Variants in LNX1 observed in about 807,000 individuals in gnomAD.
LNX1 encodes E3 ubiquitin-protein ligase LNX.
Under a neutral mutation model 68.4 loss-of-function variants are expected in LNX1, and 54 were observed. That is an observed-to-expected ratio of 0.79 (90% CI 0.63 to 0.99). The LOEUF (loss-of-function observed/expected upper bound fraction) is 0.99, where lower values mean the gene tolerates loss of function less well. Ranked by LOEUF, LNX1 falls within the 50% of genes least tolerant of loss-of-function variation. LNX1 has a pLI of 0.00. For synonymous variants in LNX1, 336 were observed against 350.0 expected, an observed-to-expected ratio of 0.96 and a Z score of 0.45; for missense variants, 906 against 926.4, an observed-to-expected ratio of 0.98 and a Z score of 0.29.
intron 9 of LNX1, among the ~76,000 whole-genome samples, chr4:53,472,685 C>CAAAAAA (rs1309297098): frequency 1.1e-4 from 8 of 74,768 alleles, no homozygotes; most frequent in South Asian, 6.0e-4. Flanking sequence ...ACAACAACAA[C>CAAAAAA]AAAAAAAAAA....
chr4:53,642,081 G>T (rs1734706767), intron 1 of LNX1, among the ~76,000 whole-genome samples: 1 of 151,962 alleles, frequency 6.6e-6, no homozygotes, highest in African/African-American at 2.4e-5. Flanking sequence ...CATCAGCCAG[G>T]TTTGGTGGTA....
chr4:53,517,450 A>G lies in LNX1; in HGVS notation c.381-9223T>C, dbSNP rs554948935. On this transcript the variant is annotated intron_variant, in intron 2 of 10. Transcript: ENST00000263925. ...CCTCAAATAGGTCCTATCCCTGCTAATTGAGTCCTGATCATGCTACTTGGA... is the reference window on the plus strand; with the variant it reads ...CCTCAAATAGGTCCTATCCCTGCTAGTTGAGTCCTGATCATGCTACTTGGA... Among the ~76,000 whole-genome samples, 5 of 152,280 alleles carry G rather than the reference A, an allele frequency of 3.3e-5. No homozygotes were observed. The South Asian group carries it at 8.3e-4, about 25-fold the overall frequency.
intron 9 of LNX1, among the ~76,000 whole-genome samples, chr4:53,464,983 CT>C (rs1225962527): frequency 1.3e-5 from 2 of 152,086 alleles, no homozygotes; most frequent in East Asian, 3.8e-4. Flanking sequence ...TTGATGATAA[CT>C]TTTGCAGCTG....
chr4:53,496,080 G>GA lies in LNX1; in HGVS notation c.1292_1293insT (p.Ile432HisfsTer5), dbSNP rs1365655417. ...CATATCGAAGATCATGTCCATTGAT[G>GA]GCTAACACACGGTCATTCTCCTCAA... On this transcript the variant is annotated frameshift_variant, in exon 6 of 11. Coordinates refer to ENST00000263925, the MANE Select transcript of LNX1 (RefSeq NM_001126328.3). LOFTEE classifies it high-confidence loss of function. 1 of 1,614,152 alleles carries GA rather than the reference G, an allele frequency of 6.2e-7. No individual in the cohort carries two copies. Among genetic ancestry groups the GA allele is most frequent in the South Asian group, 1.1e-5 (1 of 91,082 alleles).
chr4:53,625,847 G>GTGTGTT (rs1734055349), intron 1 of LNX1, among the ~76,000 whole-genome samples: 2 of 128,602 alleles, frequency 1.6e-5, no homozygotes, highest in Admixed American at 1.5e-4. Flanking sequence ...TCCACCCCGT[G>GTGTGTT]TGTGTGTGTG....
chr4:53,469,753 AAT>A (rs1723010987), intron 9 of LNX1, among the ~76,000 whole-genome samples: 1 of 152,226 alleles, frequency 6.6e-6, no homozygotes, highest in Non-Finnish European at 1.5e-5. Flanking sequence ...GAAATGGATA[AAT>A]TCCTCGACAC....
At chr4:53,521,090 G>A (rs1317192884) in intron 2 of LNX1, among the ~76,000 whole-genome samples, 2 of 152,184 alleles carry the variant, frequency 1.3e-5, no homozygotes, top group African/African-American at 4.8e-5. Flanking sequence ...GGACTGACTA[G>A]GAAGTGTTTT....
Position 53,459,724 on chromosome 4 carries a change from T to C in LNX1, c.*1183A>G, listed in dbSNP as rs750304656. ...TAACAGGGAATCTAAAGAGCTGTGT[T>C]AGCTGTGTACATACACAGATTATCT... On this transcript the variant is annotated 3_prime_UTR_variant, in exon 11 of 11. Coordinates refer to ENST00000263925, the MANE Select transcript of LNX1 (RefSeq NM_001126328.3). 8.5e-6 allele frequency: 4 copies of C among 471,468 alleles called. No individual in the cohort carries two copies. The highest frequency in any genetic ancestry group is 6.0e-4 in the Middle Eastern group (1 of 1,658). The allele number at this position is 471,468 out of a possible 1,614,324, so 29.2% of individuals were successfully genotyped here.
chr4:53,607,393 A>ATAGCT (rs1733276565), intron 2 of LNX1, among the ~76,000 whole-genome samples: 1 of 152,332 alleles, frequency 6.6e-6, no homozygotes, highest in East Asian at 1.9e-4. Flanking sequence ...ACCTAGGAAT[A>ATAGCT]TAGCTAACCA....
chr4:53,571,045 C>CT lies in LNX1; in HGVS notation c.380+2577dup, dbSNP rs879318152. ...CCGTCTAAAAAAAAAAAAAAAGAAT[C>CT]TTTTTTTTTTTGAGATGGAGTCTCG... On this transcript the variant is annotated intron_variant, in intron 2 of 10. Coordinates refer to ENST00000263925, the MANE Select transcript of LNX1 (RefSeq NM_001126328.3). Among the ~76,000 whole-genome samples the CT allele has an allele frequency of 2.6e-3, 380 of 144,764 alleles. 2 individuals carry two copies. Among genetic ancestry groups the CT allele is most frequent in the African/African-American group, 7.6e-3 (303 of 39,700 alleles). The allele number at this position is 144,764 out of a possible 152,430, so 95.0% of individuals were successfully genotyped here.
At chr4:53,468,547 C>A (rs2150565047) in intron 9 of LNX1, among the ~76,000 whole-genome samples, 1 of 152,262 alleles carries the variant, frequency 6.6e-6, no homozygotes, top group South Asian at 2.1e-4. Flanking sequence ...CACAGACTGG[C>A]AAACTGGATA....
In LNX1 at chr4:53,640,557, G is replaced by T. The variant is rs114907164; in HGVS notation, c.-215+11611C>A. Among the ~76,000 whole-genome samples the T allele has an allele frequency of 1.4e-3, 211 of 152,280 alleles. 2 individuals are homozygous for T. The highest frequency in any genetic ancestry group is 5.0e-3 in the African/African-American group (207 of 41,552). On this transcript the variant is annotated intron_variant, in intron 1 of 2. Transcript: ENST00000507168. Reference sequence around the variant, plus strand: ...CATTGCTAAAAATAAAGAATCAAAAGTGCTTTTGTTTAAGCCTTGATGTGA... The same window carrying T: ...CATTGCTAAAAATAAAGAATCAAAATTGCTTTTGTTTAAGCCTTGATGTGA...
chr4:53,545,643 T>C (rs1729057966), intron 2 of LNX1, among the ~76,000 whole-genome samples: 1 of 152,246 alleles, frequency 6.6e-6, no homozygotes, highest in South Asian at 2.1e-4. Flanking sequence ...AGGCATCTAA[T>C]GCTTCCTGTG....
intron 6 of LNX1, among the ~76,000 whole-genome samples, chr4:53,495,747 T>C (rs1725006273): frequency 6.6e-6 from 1 of 152,178 alleles, no homozygotes; most frequent in Admixed American, 6.5e-5. Context: ...TTTCACCCTG[T>C]TGGCCAGGCT....
At chr4:53,632,807 G>T (rs1206461095) in intron 1 of LNX1, among the ~76,000 whole-genome samples, 3 of 152,114 alleles carry the variant, frequency 2.0e-5, no homozygotes, top group African/African-American at 7.2e-5. Flanking sequence ...ACAGCAACTT[G>T]GTCACATTTC....
At chr4:53,584,499 T>C (rs1014350390) in intron 1 of LNX1, among the ~76,000 whole-genome samples, 3 of 152,110 alleles carry the variant, frequency 2.0e-5, no homozygotes, top group Non-Finnish European at 4.4e-5. Flanking sequence ...AGAGAGTGCA[T>C]GTGGCCCAGA....
chr4:53,627,249 C>T (rs1336254439), intron 1 of LNX1, among the ~76,000 whole-genome samples: 2 of 152,184 alleles, frequency 1.3e-5, no homozygotes, highest in Non-Finnish European at 2.9e-5. Flanking sequence ...TTTTGATGAC[C>T]TTGGAGGTTC....
chr4:53,581,622 G>A (rs1731843934), intron 1 of LNX1, among the ~76,000 whole-genome samples: 1 of 152,128 alleles, frequency 6.6e-6, no homozygotes, highest in African/African-American at 2.4e-5. Context: ...ACATGTGCAG[G>A]GGAACCGCCC....
Position 53,641,788 on chromosome 4 carries a change from T to A in LNX1, c.-215+10380A>T, listed in dbSNP as rs114175780. Among the ~76,000 whole-genome samples the A allele has an allele frequency of 6.5e-3, 986 of 152,332 alleles. 4 individuals carry two copies. The highest frequency in any genetic ancestry group is 0.022 in the African/African-American group (931 of 41,572). ...AATGAAATCAAACATTGTGTATTCT[T>A]TTTGGTGTCTGGCTTACTTCACTTG... On this transcript the variant is annotated intron_variant, in intron 1 of 2. Coordinates refer to the LNX1 transcript ENST00000507168.
Sources: gnomAD v4.1 joint callset for allele counts (sites outside exome capture counted in the v4.1 genomes callset) on GRCh38, gnomAD v4.1.1 for gene constraint, MANE v1.5 for transcripts, NCBI Gene and HGNC (gene_info 2026-07-23, HGNC 2026-07-21) for gene names.